Variants in ARL6 observed in about 807,000 individuals in gnomAD.
ARL6 encodes the protein ADP-ribosylation factor-like protein 6.
A neutral mutation model predicts 27.1 loss-of-function variants in ARL6; 18 were observed. That is an observed-to-expected ratio of 0.66 (90% CI 0.46 to 0.98). The LOEUF (loss-of-function observed/expected upper bound fraction) is 0.98, where lower values mean the gene tolerates loss of function less well. Among genes scored for constraint, ARL6 ranks in the 50% least tolerant of loss-of-function variants. The probability of loss-of-function intolerance (pLI) is 0.00; values close to 1 mark genes in which losing one functional copy is unlikely to be tolerated. For missense variants in ARL6, 187 were observed against 214.9 expected (o/e 0.87, Z 0.81); for synonymous variants, 65 against 72.3 (o/e 0.90, Z 0.51).
chr3:97,783,069 AT>A (rs2037276769), intron 4 of ARL6, among the ~76,000 whole-genome samples: 2 of 151,042 alleles, frequency 1.3e-5, no homozygotes, highest in Non-Finnish European at 3.0e-5. Flanking sequence ...ATATTATATA[AT>A]TTTTACATAC....
At chr3:97,768,479 CT>C (rs2036490428) in intron 2 of ARL6, among the ~76,000 whole-genome samples, 1 of 151,918 alleles carries the variant, frequency 6.6e-6, no homozygotes, top group Admixed American at 6.6e-5. Context: ...ACTGAGTTTA[CT>C]TTAAATGTCA....
intron 1 of ARL6, among the ~76,000 whole-genome samples, chr3:97,765,383 C>G (rs1488830544): frequency 1.3e-5 from 2 of 152,146 alleles, no homozygotes; most frequent in Non-Finnish European, 2.9e-5. Context: ...GTGGTGTTTT[C>G]TCTGGGCTAC....
Position 97,768,104 on chromosome 3 carries a change from C to T in ARL6, c.-4C>T, listed in dbSNP as rs768142620. 6 of 1,612,454 alleles carry T rather than the reference C, an allele frequency of 3.7e-6. No individual in the cohort carries two copies. In the East Asian group the frequency reaches 1.3e-4, roughly 36 times the overall value. ...AGCTGGTTTGTAAATATTTGAATCA[C>T]ATTATGGGATTGCTAGACAGACTTT... On this transcript the variant is annotated 5_prime_UTR_variant, in exon 2 of 8. Coordinates refer to ENST00000463745, the MANE Select transcript of ARL6 (RefSeq NM_001278293.3).
rs137854907 is a variant in ARL6, at chr3:97,784,972, T to C, written c.272T>C (p.Ile91Thr). ...TTACACAGAGAAGGCCAAGCTATTA[T>C]TTTTGTCATTGATAGTAGTGATAGA... ...EHYYKEGQAI[I>T]FVIDSSDRLR... is the part of the protein sequence containing the mutation. Residue 91 changes from isoleucine (I) to threonine (T), a missense_variant, in exon 5 of 8, where the codon ATT becomes ACT. Ile to Thr is a moderately conservative substitution (Grantham distance 89). Transcript: ENST00000463745. 4 of 1,612,332 alleles carry C rather than the reference T, an allele frequency of 2.5e-6. No homozygotes were observed. In the South Asian group the frequency reaches 4.4e-5, roughly 18 times the overall value.
At chr3:97,783,858 T>C (rs1454293341) in intron 4 of ARL6, among the ~76,000 whole-genome samples, 1 of 151,760 alleles carries the variant, frequency 6.6e-6, no homozygotes, top group Non-Finnish European at 1.5e-5. Context: ...GATAATATGC[T>C]GTTAGAATGG....
intron 7 of ARL6, among the ~76,000 whole-genome samples, chr3:97,794,742 A>T (rs957830669): frequency 2.0e-5 from 3 of 152,152 alleles, no homozygotes; most frequent in Non-Finnish European, 2.9e-5. Context: ...AGTATGACAA[A>T]CAAGAAGGCC....
intron 1 of ARL6, among the ~76,000 whole-genome samples, chr3:97,765,268 A>C (rs889432259): frequency 1.3e-5 from 2 of 151,014 alleles, no homozygotes; most frequent in East Asian, 1.9e-4. Flanking sequence ...AATTTAAATT[A>C]TATCATAAAA....
intron 7 of ARL6, 85 bp downstream of exon 7, chr3:97,791,911 A>G (rs995678157): frequency 1.5e-5 from 18 of 1,209,616 alleles, no homozygotes; most frequent in Middle Eastern, 2.2e-4. Context: ...ATTTTATTAT[A>G]TCATTGCCTT....
intron 2 of ARL6, among the ~76,000 whole-genome samples, chr3:97,774,943 G>T (rs1433316783): frequency 6.6e-6 from 1 of 152,142 alleles, no homozygotes; most frequent in Non-Finnish European, 1.5e-5. Flanking sequence ...TCCACATATA[G>T]TCAAAGGTAT....
intron 4 of ARL6, among the ~76,000 whole-genome samples, chr3:97,782,544 G>A (rs1326613050): frequency 6.6e-6 from 1 of 151,762 alleles, no homozygotes; most frequent in African/African-American, 2.4e-5. Context: ...ACTGAAAAAG[G>A]TTACAAAGAT....
At chr3:97,765,253 A>AGTGTGTGTGTGT (rs2036325610) in intron 1 of ARL6, among the ~76,000 whole-genome samples, 1 of 121,896 alleles carries the variant, frequency 8.2e-6, no homozygotes. Flanking sequence ...TGTGTGTGTA[A>AGTGTGTGTGTGT]GTGTAATTTA....
intron 6 of ARL6, among the ~76,000 whole-genome samples, chr3:97,789,658 A>G (rs2037629683): frequency 6.6e-6 from 1 of 152,170 alleles, no homozygotes; most frequent in Non-Finnish European, 1.5e-5. Context: ...AAACATGTGT[A>G]TAATTGTGAC....
intron 5 of ARL6, among the ~76,000 whole-genome samples, chr3:97,785,335 C>CAA (rs35946388): frequency 1.7e-5 from 2 of 115,678 alleles, no homozygotes; most frequent in African/African-American, 3.7e-5. Flanking sequence ...TGTACCAAAG[C>CAA]AAAAAAAAAA....
intron 1 of ARL6, 63 bp from the exon 2 acceptor site, chr3:97,768,018 C>A: frequency 1.4e-6 from 2 of 1,416,052 alleles, no homozygotes; most frequent in African/African-American, 1.4e-5. Context: ...TTTAATACAC[C>A]TACCAATATT....
intron 2 of ARL6, among the ~76,000 whole-genome samples, chr3:97,773,436 AT>A (rs1203402562): frequency 6.6e-6 from 1 of 152,128 alleles, no homozygotes; most frequent in East Asian, 1.9e-4. Flanking sequence ...GCATCACTCA[AT>A]CCAATCAAGT....
chr3:97,770,812 G>A (rs1222116740), intron 2 of ARL6, among the ~76,000 whole-genome samples: 4 of 151,908 alleles, frequency 2.6e-5, no homozygotes, highest in Non-Finnish European at 5.9e-5. Context: ...ATGTCTTTTT[G>A]GAAAATGAGT....
At position 97,799,652 on chromosome 3, in the gene ARL6, A is replaced by G. The variant is rs1257680293; in HGVS notation, c.*1603A>G. 5 of 152,156 alleles carry G rather than the reference A, an allele frequency of 3.3e-5. No individual in the cohort carries two copies. Among genetic ancestry groups the G allele is most frequent in the Non-Finnish European group, 7.4e-5 (5 of 67,966 alleles). The allele number at this position is 152,156 out of a possible 1,614,324, so 9.4% of individuals were successfully genotyped here. A position where few individuals can be genotyped will look rare whatever the true frequency, so the allele number is the denominator to read the frequency against. On this transcript the variant is annotated 3_prime_UTR_variant, in exon 8 of 8. Transcript: ENST00000463745. ...TAATAATAGTTACTACTATATGATC[A>G]TTATATTATAAGCAGGTATTACACA... is the stretch of plus-strand genomic sequence containing the variant.
intron 4 of ARL6, among the ~76,000 whole-genome samples, chr3:97,781,973 A>C (rs1340748235): frequency 1.3e-5 from 2 of 152,056 alleles, no homozygotes; most frequent in East Asian, 3.8e-4. Flanking sequence ...GAGGAAATTT[A>C]TTCAAATTTT....
At chr3:97,770,641 T>C (rs2107990030) in intron 2 of ARL6, among the ~76,000 whole-genome samples, 1 of 152,228 alleles carries the variant, frequency 6.6e-6, no homozygotes, top group African/African-American at 2.4e-5. Flanking sequence ...TGTTTTCTCC[T>C]AGTACTTTGA....
Sources: allele counts gnomAD v4.1 joint callset (sites outside exome capture counted in the v4.1 genomes callset), GRCh38; gene constraint gnomAD v4.1.1; transcripts MANE v1.5; gene names NCBI Gene and HGNC (gene_info 2026-07-23, HGNC 2026-07-21).